FRMD4B: variants seen among roughly 807,000 people sequenced by gnomAD.
FRMD4B encodes FERM domain-containing protein 4B.
In FRMD4B, 74 loss-of-function variants were observed where a neutral mutation model predicts 141.5. That is an observed-to-expected ratio of 0.52 (90% CI 0.43 to 0.63). FRMD4B has a LOEUF of 0.63. Ranked by LOEUF, FRMD4B falls within the 30% of genes least tolerant of loss-of-function variation. The probability of loss-of-function intolerance (pLI) is 0.00; values close to 1 mark genes in which losing one functional copy is unlikely to be tolerated. For synonymous variants in FRMD4B, 506 were observed against 467.9 expected (o/e 1.08, Z -1.05); for missense variants, 1,366 against 1,253.4 (o/e 1.09, Z -1.36).
chr3:69,327,071 G>A (rs2107313271), intron 1 of FRMD4B, among the ~76,000 whole-genome samples: 2 of 152,158 alleles, frequency 1.3e-5, no homozygotes, highest in Non-Finnish European at 2.9e-5. Flanking sequence ...GGGGTGGGGG[G>A]ATTTTCATTT....
chr3:69,186,173 T>C (rs370344198), intron 19 of FRMD4B, among the ~76,000 whole-genome samples: 2 of 152,200 alleles, frequency 1.3e-5, no homozygotes, highest in East Asian at 3.9e-4. Flanking sequence ...ATATATTTTT[T>C]ATATCAAAAT....
intron 5 of FRMD4B, among the ~76,000 whole-genome samples, chr3:69,287,341 G>C (rs899568787): frequency 6.6e-6 from 1 of 152,220 alleles, no homozygotes; most frequent in Admixed American, 6.5e-5. Flanking sequence ...TGTGTGCAGG[G>C]ATCAGAAGGC....
intron 1 of FRMD4B, among the ~76,000 whole-genome samples, chr3:69,509,591 T>G (rs74626909): frequency 6.6e-6 from 1 of 152,178 alleles, no homozygotes; most frequent in Non-Finnish European, 1.5e-5. Flanking sequence ...ATTCTAGTCC[T>G]GAGGGCATCT....
In FRMD4B at chr3:69,477,259, G is replaced by A. The variant is rs1467481258; in HGVS notation, c.-128-44498C>T. ...ACACTATGTTGAATAGGAGTGGTGAGAGAGGGCATCCCTGTCTTGTGCCAG... is the reference window on the plus strand; with the variant it reads ...ACACTATGTTGAATAGGAGTGGTGAAAGAGGGCATCCCTGTCTTGTGCCAG... On this transcript the variant is annotated intron_variant, in intron 1 of 5. Coordinates refer to the FRMD4B transcript ENST00000459638. Among the ~76,000 whole-genome samples, 4 of 151,488 alleles carry A rather than the reference G, an allele frequency of 2.6e-5. No homozygotes were observed. The East Asian group carries it at 7.7e-4, about 29-fold the overall frequency.
intron 1 of FRMD4B, among the ~76,000 whole-genome samples, chr3:69,348,122 T>C (rs1703010712): frequency 6.6e-6 from 1 of 151,954 alleles, no homozygotes; most frequent in Admixed American, 6.6e-5. Flanking sequence ...AAGAATCAAA[T>C]AGATGCAATA....
At chr3:69,498,183 A>C (rs534695025) in intron 1 of FRMD4B, among the ~76,000 whole-genome samples, 2 of 152,206 alleles carry the variant, frequency 1.3e-5, no homozygotes, top group Non-Finnish European at 2.9e-5. Context: ...GTTGGACCTC[A>C]AGTGAGAACT....
At chr3:69,451,715 G>T (rs763737598) in intron 1 of FRMD4B, among the ~76,000 whole-genome samples, 2 of 152,088 alleles carry the variant, frequency 1.3e-5, no homozygotes, top group Non-Finnish European at 2.9e-5. Context: ...ACCACTAGGT[G>T]GTCCTGGCAT....
intron 1 of FRMD4B, among the ~76,000 whole-genome samples, chr3:69,523,133 A>AT (rs1700878243): frequency 6.7e-6 from 1 of 149,840 alleles, no homozygotes; most frequent in Admixed American, 6.6e-5. Context: ...AAAAAAAAAA[A>AT]CAACTAGAGA....
At chr3:69,500,126 G>C (rs964949207) in intron 1 of FRMD4B, among the ~76,000 whole-genome samples, 3 of 152,214 alleles carry the variant, frequency 2.0e-5, no homozygotes, top group African/African-American at 7.2e-5. Flanking sequence ...CCAGGACCCA[G>C]AGCTGTGGCT....
At chr3:69,308,622 T>A (rs989578515) in intron 3 of FRMD4B, among the ~76,000 whole-genome samples, 1 of 152,016 alleles carries the variant, frequency 6.6e-6, no homozygotes, top group South Asian at 2.1e-4. Flanking sequence ...GCATTTTTAG[T>A]AGAGATGGGG....
intron 1 of FRMD4B, among the ~76,000 whole-genome samples, chr3:69,463,356 G>T (rs1047123664): frequency 1.3e-5 from 2 of 152,180 alleles, no homozygotes; most frequent in African/African-American, 4.8e-5. Flanking sequence ...CTCTAACTTG[G>T]TATATTTTGA....
chr3:69,538,118 G>A (rs984960522), intron 1 of FRMD4B, among the ~76,000 whole-genome samples: 4 of 152,132 alleles, frequency 2.6e-5, no homozygotes, highest in South Asian at 2.1e-4. Flanking sequence ...CTGTGTAAAC[G>A]AGCAAGTGCT....
intron 7 of FRMD4B, among the ~76,000 whole-genome samples, chr3:69,242,916 C>T (rs2093396857): frequency 6.6e-6 from 1 of 151,084 alleles, no homozygotes; most frequent in African/African-American, 2.4e-5. Flanking sequence ...ATCGCTTGAA[C>T]CCGGATAGCA....
intron 3 of FRMD4B, among the ~76,000 whole-genome samples, chr3:69,310,978 A>G (rs931369559): frequency 1.3e-5 from 2 of 152,220 alleles, no homozygotes; most frequent in African/African-American, 4.8e-5. Context: ...GCACAATCAC[A>G]TTCAAAGACA....
chr3:69,514,114 G>T (rs774994090), intron 1 of FRMD4B, among the ~76,000 whole-genome samples: 2 of 152,100 alleles, frequency 1.3e-5, no homozygotes, highest in African/African-American at 2.4e-5. Flanking sequence ...AAGTAAAATG[G>T]TCTCTGATCA....
chr3:69,415,166 C>T (rs1317323739), intron 2 of FRMD4B, among the ~76,000 whole-genome samples: 1 of 152,062 alleles, frequency 6.6e-6, no homozygotes, highest in Non-Finnish European at 1.5e-5. Context: ...GCCCGGCCAG[C>T]TTACAAACTT....
rs11408988 is a variant in FRMD4B at position 69,169,375 on chromosome 3, T to TCC, written c.*2485_*2486insGG. Among the ~76,000 whole-genome samples the TCC allele has an allele frequency of 1.1e-3, 141 of 124,604 alleles. No homozygotes were observed. Among genetic ancestry groups the TCC allele is most frequent in the African/African-American group, 3.8e-3 (132 of 34,374 alleles). The allele number at this position is 124,604 out of a possible 152,430, so 81.7% of individuals were successfully genotyped here. On this transcript the variant is annotated 3_prime_UTR_variant, in exon 23 of 23. Transcript: ENST00000398540. ...TTTCTTTTTTTTTTTTTTTTTTTTT[T>TCC]CTTGAGACAAGGTCTGTTATTGCCT... is the stretch of plus-strand genomic sequence containing the variant.
rs980990926 is a variant in FRMD4B at position 69,170,175 on chromosome 3, C to T, written c.*1686G>A. On this transcript the variant is annotated 3_prime_UTR_variant, in exon 23 of 23. Transcript: ENST00000398540. ...TACGGTAATACTATAAATAAAAATC[C>T]GAAGCCTTGCCCAATATGATTACTT... is the stretch of plus-strand genomic sequence containing the variant. 5 of 152,020 alleles carry T rather than the reference C, an allele frequency of 3.3e-5. No individual in the cohort carries two copies. The highest frequency in any genetic ancestry group is 7.2e-5 in the African/African-American group (3 of 41,390). 9.4% of individuals were successfully genotyped at this position (152,020 alleles called of 1,614,324 possible). A position where few individuals can be genotyped will look rare whatever the true frequency, so the allele number is the denominator to read the frequency against.
chr3:69,350,926 C>T (rs1455302834), intron 1 of FRMD4B, among the ~76,000 whole-genome samples: 1 of 151,854 alleles, frequency 6.6e-6, no homozygotes, highest in Non-Finnish European at 1.5e-5. Flanking sequence ...CACATGTATA[C>T]ATATGTAACA....
Sources: gnomAD v4.1 joint callset for allele counts (sites outside exome capture counted in the v4.1 genomes callset) on GRCh38, gnomAD v4.1.1 for gene constraint, MANE v1.5 for transcripts, NCBI Gene and HGNC (gene_info 2026-07-23, HGNC 2026-07-21) for gene names.